The following CATSPERE variants were observed in gnomAD, a reference collection of about 807,000 sequenced individuals.
CATSPERE encodes cation channel sperm-associated auxiliary subunit epsilon.
Under a neutral mutation model 114.1 loss-of-function variants are expected in CATSPERE, and 93 were observed. That is an observed-to-expected ratio of 0.81 (90% CI 0.69 to 0.97). The LOEUF is 0.97. Among genes scored for constraint, CATSPERE ranks in the 50% least tolerant of loss-of-function variants. The pLI is 0.00. For missense variants in CATSPERE, 1,058 were observed against 1,131.6 expected, an observed-to-expected ratio of 0.93 and a Z score of 0.93; for synonymous variants, 341 against 384.1, an observed-to-expected ratio of 0.89 and a Z score of 1.31.
chr1:244,557,582 T>TATATATATAA (rs1661844658), intron 9 of CATSPERE, among the ~76,000 whole-genome samples: 1 of 108,112 alleles, frequency 9.2e-6, no homozygotes, highest in African/African-American at 3.6e-5. Context: ...TATATATATA[T>TATATATATAA]AAAATCTCCC....
At position 244,560,677 on chromosome 1, in the gene CATSPERE, A is replaced by G. The variant is rs780611973; in HGVS notation, c.1039A>G (p.Arg347Gly). 1 of 1,581,584 alleles carries G rather than the reference A, an allele frequency of 6.3e-7. No homozygotes were observed. Among genetic ancestry groups the G allele is most frequent in the East Asian group, 2.3e-5 (1 of 43,910 alleles). Residue 347 changes from arginine (R) to glycine (G), a missense_variant, in exon 10 of 22, where the codon AGA becomes GGA. Physicochemically the swap from Arg to Gly is moderately radical, Grantham distance 125. Coordinates refer to ENST00000366534, the MANE Select transcript of CATSPERE (RefSeq NM_001130957.2). ...TTTCATTTTGTCACAGGCTAAAGGA[A>G]GAAGAAGCACCTTTGCAGTCTGGAC... is the stretch of plus-strand genomic sequence containing the variant. ...WVNYLLKAKG[R>G]RSTFAVWTEN...
intron 5 of CATSPERE, among the ~76,000 whole-genome samples, chr1:244,482,876 A>G (rs1285581311): frequency 6.6e-6 from 1 of 152,208 alleles, no homozygotes; most frequent in Admixed American, 6.5e-5. Context: ...TTTAGCGACT[A>G]TATTTGATTA....
At chr1:244,559,372 C>T (rs1327182803) in intron 9 of CATSPERE, among the ~76,000 whole-genome samples, 7 of 152,224 alleles carry the variant, frequency 4.6e-5, no homozygotes, top group African/African-American at 7.2e-5. Flanking sequence ...TGCCGACCTC[C>T]TGTTTCAGTA....
intron 2 of CATSPERE, among the ~76,000 whole-genome samples, chr1:244,474,854 C>T (rs1025944373): frequency 5.3e-5 from 8 of 151,750 alleles, no homozygotes; most frequent in African/African-American, 1.7e-4. Context: ...AGCGATCCTC[C>T]CACCTCAGCC....
Position 244,640,318 on chromosome 1 carries a change from T to G in CATSPERE, c.*237T>G, listed in dbSNP as rs552396915. 3.4e-6 allele frequency: 1 copy of G among 296,352 alleles called. No individual in the cohort carries two copies. The highest frequency in any genetic ancestry group is 7.0e-5 in the South Asian group (1 of 14,192). The allele number at this position is 296,352 out of a possible 1,614,324, so 18.4% of individuals were successfully genotyped here. A position where few individuals can be genotyped will look rare whatever the true frequency, so the allele number is the denominator to read the frequency against. On this transcript the variant is annotated 3_prime_UTR_variant, in exon 22 of 22. Transcript: ENST00000366534. Reference sequence around the variant, plus strand: ...TTCATTTTAAAGATACTCTATGTACTCTCACATGGCATGAAAAAATAAACT... The same window carrying G: ...TTCATTTTAAAGATACTCTATGTACGCTCACATGGCATGAAAAAATAAACT...
At chr1:244,542,428 A>G (rs1473177662) in intron 8 of CATSPERE, among the ~76,000 whole-genome samples, 2 of 152,190 alleles carry the variant, frequency 1.3e-5, no homozygotes, top group Non-Finnish European at 2.9e-5. Context: ...CCCATTACCC[A>G]AATAGTGAAC....
chr1:244,550,255 A>G (rs1660402365), intron 8 of CATSPERE, among the ~76,000 whole-genome samples: 1 of 152,148 alleles, frequency 6.6e-6, no homozygotes, highest in South Asian at 2.1e-4. Context: ...CACTCATAAT[A>G]AATCTTTGTC....
At chr1:244,611,609 A>C (rs1276248588) in intron 19 of CATSPERE, among the ~76,000 whole-genome samples, 1 of 152,148 alleles carries the variant, frequency 6.6e-6, no homozygotes, top group Non-Finnish European at 1.5e-5. Flanking sequence ...AAGAAAAAAA[A>C]ATCAAATTAA....
At chr1:244,559,248 T>C (rs1320402547) in intron 9 of CATSPERE, among the ~76,000 whole-genome samples, 1 of 152,240 alleles carries the variant, frequency 6.6e-6, no homozygotes. Flanking sequence ...AATCTATTTC[T>C]TCTTTAAGAA....
At chr1:244,604,736 G>A (rs886851730) in intron 17 of CATSPERE, among the ~76,000 whole-genome samples, 4 of 152,224 alleles carry the variant, frequency 2.6e-5, no homozygotes, top group African/African-American at 7.2e-5. Flanking sequence ...CCATTCTTAC[G>A]GTCACAAGTT....
intron 6 of CATSPERE, among the ~76,000 whole-genome samples, chr1:244,492,289 C>T (rs1348014328): frequency 6.6e-5 from 10 of 152,158 alleles, no homozygotes; most frequent in Non-Finnish European, 1.2e-4. Context: ...GCTGGTTCAA[C>T]ATATGCAAAT....
At position 244,518,769 on chromosome 1, in the gene CATSPERE, A is replaced by T. The variant is rs544634919; in HGVS notation, c.536+71A>T. ...AACTAGATTTTAAAATCCTAGTGGA[A>T]CTTAATGAAATGTGTCTTATATGTT... On this transcript the variant is annotated intron_variant, in intron 8 of 21. Transcript: ENST00000366534. The T allele has an allele frequency of 2.2e-5, 18 of 801,110 alleles. No individual in the cohort carries two copies. In the South Asian group the frequency reaches 3.4e-4, roughly 15 times the overall value. 49.6% of individuals were successfully genotyped at this position (801,110 alleles called of 1,614,324 possible). A position where few individuals can be genotyped will look rare whatever the true frequency, so the allele number is the denominator to read the frequency against.
Position 244,479,789 on chromosome 1 carries a change from G to A in CATSPERE, c.326+5G>A, listed in dbSNP as rs1669970113. The A allele has an allele frequency of 6.5e-7, 1 of 1,528,484 alleles. No homozygotes were observed. The highest frequency in any genetic ancestry group is 9.0e-7 in the Non-Finnish European group (1 of 1,110,168). The allele number at this position is 1,528,484 out of a possible 1,614,324, so 94.7% of individuals were successfully genotyped here. ...TCTGTGGTACTATAGAGTTAGGTAAGTAATGCAGTACTGAATAGGTAATTA... is the reference window on the plus strand; with the variant it reads ...TCTGTGGTACTATAGAGTTAGGTAAATAATGCAGTACTGAATAGGTAATTA... On this transcript the variant is annotated splice_donor_5th_base_variant and intron_variant, in intron 5 of 21. Transcript: ENST00000366534.
At chr1:244,483,724 T>TA (rs1306820872) in intron 5 of CATSPERE, among the ~76,000 whole-genome samples, 3 of 152,140 alleles carry the variant, frequency 2.0e-5, no homozygotes, top group Non-Finnish European at 4.4e-5. Flanking sequence ...CATTATCACT[T>TA]ATATATGTAT....
intron 4 of CATSPERE, 32 bp from the exon 5 acceptor site, chr1:244,479,685 T>C: frequency 7.2e-7 from 1 of 1,381,034 alleles, no homozygotes; most frequent in African/African-American, 1.4e-5. Context: ...TTAATGTTAA[T>C]ATATCACAGT....
chr1:244,525,345 G>C (rs1311739534), intron 8 of CATSPERE, among the ~76,000 whole-genome samples: 1 of 123,314 alleles, frequency 8.1e-6, no homozygotes, highest in Admixed American at 9.2e-5. Context: ...CTTTTGGAGT[G>C]GGGGGAGGGG....
At chr1:244,502,293 T>C (rs1674166085) in intron 7 of CATSPERE, among the ~76,000 whole-genome samples, 1 of 152,230 alleles carries the variant, frequency 6.6e-6, no homozygotes, top group Non-Finnish European at 1.5e-5. Flanking sequence ...ACTTTAAGCT[T>C]CCTGTATCCT....
At chr1:244,563,948 C>CCAGTTTCAG (rs1249051712) in intron 10 of CATSPERE, among the ~76,000 whole-genome samples, 1 of 152,144 alleles carries the variant, frequency 6.6e-6, no homozygotes, top group African/African-American at 2.4e-5. Context: ...AGGAAGGGAT[C>CCAGTTTCAG]CAGTTTCAGC....
intron 8 of CATSPERE, among the ~76,000 whole-genome samples, chr1:244,552,007 C>T (rs1660716493): frequency 7.7e-6 from 1 of 129,672 alleles, no homozygotes; most frequent in Non-Finnish European, 1.5e-5. Flanking sequence ...GAGCTCGCAG[C>T]GAGCCCAGAT....
Sources: gnomAD v4.1 joint callset for allele counts (sites outside exome capture counted in the v4.1 genomes callset) on GRCh38, gnomAD v4.1.1 for gene constraint, MANE v1.5 for transcripts, NCBI Gene and HGNC (gene_info 2026-07-23, HGNC 2026-07-21) for gene names.